The following FNDC3A variants were observed in gnomAD, a reference collection of about 807,000 sequenced individuals.
The protein encoded by FNDC3A is fibronectin type III domain containing 3A, also known as fibronectin type-III domain-containing protein 3A.
Under a neutral mutation model 148.9 loss-of-function variants are expected in FNDC3A, and 32 were observed. That is an observed-to-expected ratio of 0.21 (90% CI 0.16 to 0.29). FNDC3A has a LOEUF of 0.29. FNDC3A is among the 10% of genes least tolerant of loss of function. FNDC3A has a pLI of 1.00. For missense variants in FNDC3A, 1,191 were observed against 1,452.8 expected (o/e 0.82, Z 2.93); for synonymous variants, 472 against 473.6 (o/e 1.00, Z 0.04).
chr13:49,181,485 G>T (rs980736825), intron 14 of FNDC3A, among the ~76,000 whole-genome samples: 1 of 151,994 alleles, frequency 6.6e-6, no homozygotes, highest in Non-Finnish European at 1.5e-5. Flanking sequence ...TCTGATCCTT[G>T]CCAAAATTTG....
intron 23 of FNDC3A, chr13:49,201,111 C>A: frequency 3.7e-6 from 1 of 271,728 alleles, no homozygotes; most frequent in South Asian, 3.7e-5. Context: ...ATTATTCATT[C>A]TCTAATTTCC....
At chr13:49,098,885 T>C (rs1055132641) in intron 3 of FNDC3A, among the ~76,000 whole-genome samples, 1 of 152,164 alleles carries the variant, frequency 6.6e-6, no homozygotes, top group South Asian at 2.1e-4. Flanking sequence ...CATCTAAGCA[T>C]GAATAATGAC....
chr13:49,175,359 T>TTCAACA lies in FNDC3A; in HGVS notation c.1356-7_1356-2dup. The stretch of plus-strand genomic sequence containing the variant: ...TTTCATGCCTTTTAAAACCATTTGT[T>TTCAACA]TCAACAGTGGTTTTAGTGAAGAAGT... On this transcript the variant is annotated splice_polypyrimidine_tract_variant and splice_region_variant and intron_variant, in intron 12 of 25. Transcript: ENST00000492622. The TTCAACA allele has an allele frequency of 1.3e-6, 2 of 1,546,568 alleles. No individual in the cohort carries two copies. The highest frequency in any genetic ancestry group is 1.7e-6 in the Non-Finnish European group (2 of 1,146,190).
At chr13:49,188,345 C>T (rs1293048030) in intron 16 of FNDC3A, among the ~76,000 whole-genome samples, 170 bp from the exon 17 acceptor site, 1 of 152,192 alleles carries the variant, frequency 6.6e-6, no homozygotes, top group Admixed American at 6.5e-5. Context: ...TAGGAAGCTG[C>T]ACACATAAAG....
chr13:49,003,135 A>T (rs2137591869), intron 1 of FNDC3A, among the ~76,000 whole-genome samples: 1 of 152,190 alleles, frequency 6.6e-6, no homozygotes, highest in South Asian at 2.1e-4. Flanking sequence ...GCATGATCTC[A>T]GCTCACTGCA....
intron 5 of FNDC3A, 24 bp from the exon 6 acceptor site, chr13:49,136,308 C>T (rs770767033): frequency 6.3e-7 from 1 of 1,588,634 alleles, no homozygotes; most frequent in African/African-American, 1.3e-5. Context: ...ATCTTCTTAA[C>T]ATTTTGTTTT....
At chr13:49,103,399 T>A (rs1879979591) in intron 3 of FNDC3A, among the ~76,000 whole-genome samples, 1 of 152,254 alleles carries the variant, frequency 6.6e-6, no homozygotes. Context: ...TTTACCAGTT[T>A]GAGTGGCATC....
chr13:49,152,475 C>T (rs2137987595), intron 8 of FNDC3A, among the ~76,000 whole-genome samples: 1 of 151,044 alleles, frequency 6.6e-6, no homozygotes, highest in East Asian at 1.9e-4. Context: ...GGATATTAGC[C>T]CTTTGTCAGA....
intron 3 of FNDC3A, among the ~76,000 whole-genome samples, chr13:49,075,671 G>A (rs1341272728): frequency 6.6e-6 from 1 of 152,034 alleles, no homozygotes; most frequent in Non-Finnish European, 1.5e-5. Context: ...CAGCTTTTTA[G>A]TCTTGTTCCC....
At position 49,188,584 on chromosome 13, in the gene FNDC3A, G is replaced by A; in HGVS notation, c.1895G>A (p.Cys632Tyr). 3 of 1,613,884 alleles carry A rather than the reference G, an allele frequency of 1.9e-6. No individual in the cohort carries two copies. Among genetic ancestry groups the A allele is most frequent in the Non-Finnish European group, 1.7e-6 (2 of 1,179,766 alleles). The change falls in exon 17 of 26, where the codon TGT becomes TAT. Residue 632 changes from cysteine (C) to tyrosine (Y), a missense_variant. Physicochemically the swap from Cys to Tyr is radical, Grantham distance 194. Transcript: ENST00000492622. ...EHLCDRLNPG[C>Y]FYRLRVYCIS... ...CTTTGTGATCGACTGAATCCAGGCT[G>A]TTTCTATCGTTTACGAGTTTACTGC...
chr13:49,108,222 TG>T (rs1880323901), intron 3 of FNDC3A, among the ~76,000 whole-genome samples: 1 of 152,178 alleles, frequency 6.6e-6, no homozygotes, highest in Non-Finnish European at 1.5e-5. Context: ...AAAGTCATGC[TG>T]ATAGACAAGA....
At chr13:49,113,380 C>T (rs1246321439) in intron 3 of FNDC3A, among the ~76,000 whole-genome samples, 1 of 150,704 alleles carries the variant, frequency 6.6e-6, no homozygotes, top group East Asian at 2.0e-4. Flanking sequence ...TTCCCTAGCT[C>T]TCTCATCTCC....
chr13:49,065,280 A>G (rs1402365412), intron 2 of FNDC3A, among the ~76,000 whole-genome samples: 2 of 152,120 alleles, frequency 1.3e-5, no homozygotes, highest in Non-Finnish European at 2.9e-5. Context: ...TAGCTCAGGA[A>G]CCCAGGAGGG....
intron 3 of FNDC3A, among the ~76,000 whole-genome samples, chr13:49,103,304 T>C (rs568430422): frequency 6.6e-6 from 1 of 152,290 alleles, no homozygotes; most frequent in Admixed American, 6.5e-5. Flanking sequence ...AATAGCAAAA[T>C]AGTAACAAAA....
chr13:49,188,410 T>C, intron 16 of FNDC3A, 105 bp from the exon 17 acceptor site: 1 of 699,768 alleles, frequency 1.4e-6, no homozygotes. Context: ...TCTGACAAAT[T>C]ACACAAATAC....
At chr13:49,089,691 G>A (rs1032803113) in intron 3 of FNDC3A, among the ~76,000 whole-genome samples, 13 of 152,272 alleles carry the variant, frequency 8.5e-5, no homozygotes, top group Non-Finnish European at 1.6e-4. Context: ...CACACCATAA[G>A]CTTTTGGTAA....
intron 2 of FNDC3A, among the ~76,000 whole-genome samples, chr13:49,050,211 C>G (rs117423279): frequency 0.039 from 5,969 of 152,160 alleles, 190 homozygotes; most frequent in Non-Finnish European, 0.053. Context: ...TTTTCCAGTT[C>G]CATGAGGTGT....
chr13:48,997,051 G>A lies in FNDC3A; in HGVS notation c.-39-9101G>A, dbSNP rs145513734. On this transcript the variant is annotated intron_variant, in intron 1 of 25. Coordinates refer to ENST00000492622, the MANE Select transcript of FNDC3A (RefSeq NM_001079673.2). ...GCACTCCAGCTTGGGTAACAAGAGC[G>A]AGACTCCGTCTCAAGAAAAAAAAAA... Among the ~76,000 whole-genome samples, 389 of 149,930 alleles carry A rather than the reference G, an allele frequency of 2.6e-3. 10 individuals are homozygous for A. The East Asian group carries it at 0.041, about 16-fold the overall frequency.
At chr13:49,145,288 C>A (rs1410328143) in intron 7 of FNDC3A, among the ~76,000 whole-genome samples, 1 of 152,028 alleles carries the variant, frequency 6.6e-6, no homozygotes, top group Non-Finnish European at 1.5e-5. Flanking sequence ...TTAATCTTCC[C>A]CTATCCAGTA....
Sources: gnomAD v4.1 joint callset for allele counts (sites outside exome capture counted in the v4.1 genomes callset) on GRCh38, gnomAD v4.1.1 for gene constraint, MANE v1.5 for transcripts, NCBI Gene and HGNC (gene_info 2026-07-23, HGNC 2026-07-21) for gene names.